The following KCNC4 variants were observed in gnomAD, a reference collection of about 807,000 sequenced individuals.
The protein encoded by KCNC4 is voltage-gated potassium channel KCNC4.
KCNC4 carries 23 observed loss-of-function variants against 42.8 expected under a neutral mutation model. The ratio of observed to expected loss-of-function variants is 0.54; its 90% CI spans 0.39 to 0.76. The LOEUF is 0.76. Ranked by LOEUF, KCNC4 falls within the 30% of genes least tolerant of loss-of-function variation. The pLI, the probability that KCNC4 is intolerant of heterozygous loss-of-function variation, is 0.00. For missense variants in KCNC4, 751 were observed against 898.2 expected, an observed-to-expected ratio of 0.84 and a Z score of 2.10; for synonymous variants, 422 against 393.5, an observed-to-expected ratio of 1.07 and a Z score of -0.86.
chr1:110,264,758 C>A (rs1348228794), intron 1 of KCNC4, among the ~76,000 whole-genome samples: 1 of 152,148 alleles, frequency 6.6e-6, no homozygotes, highest in Non-Finnish European at 1.5e-5. Flanking sequence ...GGGATCCCTA[C>A]TCGTCTCTGG....
In KCNC4 at chr1:110,222,915, A is replaced by G. The variant is rs1292330683; in HGVS notation, c.679-49A>G. ...GAAGTCCACGTCCCCAGCTGGGCCC[A>G]TCCATCCCTGTCTGACAGCTGCCCC... On this transcript the variant is annotated intron_variant, in intron 1 of 3. Transcript: ENST00000438661. The G allele has an allele frequency of 2.1e-6, 3 of 1,452,740 alleles. No individual in the cohort carries two copies. The African/African-American group carries it at 4.2e-5, about 20-fold the overall frequency. The allele number at this position is 1,452,740 out of a possible 1,614,324, so 90.0% of individuals were successfully genotyped here.
intron 1 of KCNC4, among the ~76,000 whole-genome samples, chr1:110,266,293 C>G (rs1345377890): frequency 6.6e-6 from 1 of 152,172 alleles, no homozygotes; most frequent in Non-Finnish European, 1.5e-5. Context: ...TTCATAGCCG[C>G]AACACCGAAA....
downstream of KCNC4, chr1:110,235,274 G>A (rs563296608): frequency 6.6e-6 from 1 of 152,350 alleles, no homozygotes; most frequent in Non-Finnish European, 1.5e-5. Context: ...CAGGCAGCCA[G>A]TGTCAATTAA....
Position 110,257,720 on chromosome 1 carries a change from CAAAAA to C in KCNC4, n.31-24796_31-24792del, listed in dbSNP as rs56333861. On this transcript the variant is annotated intron_variant and non_coding_transcript_variant, in intron 1 of 2. Transcript: ENST00000412512. Reference sequence around the variant, plus strand: ...TTGGCAACAGAGCGAGACTCCGTCTCAAAAAAAAAAAAAAAAAAAAAAGTCCAGAG... The same window carrying C: ...TTGGCAACAGAGCGAGACTCCGTCTCAAAAAAAAAAAAAAAAAGTCCAGAG... Among the ~76,000 whole-genome samples the C allele has an allele frequency of 2.7e-3, 243 of 90,970 alleles. 1 individual carries two copies. The highest frequency in any genetic ancestry group is 9.6e-3 in the African/African-American group (194 of 20,210). 59.7% of individuals were successfully genotyped at this position (90,970 alleles called of 152,430 possible).
chr1:110,266,502 G>T (rs1659542592), intron 1 of KCNC4, among the ~76,000 whole-genome samples: 2 of 152,170 alleles, frequency 1.3e-5, no homozygotes, highest in African/African-American at 4.8e-5. Flanking sequence ...AGCCAGGCTT[G>T]CTCTAAGCAC....
rs186028377 is a variant in KCNC4 at position 110,224,057 on chromosome 1, T to A, written c.1615+157T>A. 2.1e-4 allele frequency: 130 copies of A among 633,932 alleles called. No individual in the cohort carries two copies. In the East Asian group the frequency reaches 3.0e-3, roughly 15 times the overall value. 39.3% of individuals were successfully genotyped at this position (633,932 alleles called of 1,614,324 possible). A position where few individuals can be genotyped will look rare whatever the true frequency, so the allele number is the denominator to read the frequency against. On this transcript the variant is annotated intron_variant, in intron 2 of 3. Transcript: ENST00000438661. ...TGAGGGCAAAGTGTTGAGGCCGAATTTCTCTGTCCTCTGGCTGGGTCTCCG... is the reference window on the plus strand; with the variant it reads ...TGAGGGCAAAGTGTTGAGGCCGAATATCTCTGTCCTCTGGCTGGGTCTCCG...
chr1:110,253,340 A>C (rs1659276040), downstream of KCNC4, among the ~76,000 whole-genome samples: 2 of 152,228 alleles, frequency 1.3e-5, 1 homozygote, highest in Admixed American at 1.3e-4. Context: ...CAATCATGAG[A>C]GATGTCTCAT....
chr1:110,231,837 A>G (rs1448472574), intron 3 of KCNC4, among the ~76,000 whole-genome samples: 1 of 150,750 alleles, frequency 6.6e-6, no homozygotes, highest in Non-Finnish European at 1.5e-5. Context: ...TCTTAAGAAG[A>G]TGGAAACAGC....
chr1:110,275,045 A>G (rs1328633121), intron 1 of KCNC4, among the ~76,000 whole-genome samples: 1 of 152,244 alleles, frequency 6.6e-6, no homozygotes, highest in East Asian at 1.9e-4. Context: ...GCGCAGCAAA[A>G]GAAATAATCA....
intron 1 of KCNC4, among the ~76,000 whole-genome samples, chr1:110,218,310 C>G (rs1035061100): frequency 5.9e-5 from 9 of 152,274 alleles, no homozygotes; most frequent in African/African-American, 2.2e-4. Flanking sequence ...TCAAACATAG[C>G]AAGCAGATTG....
chr1:110,226,181 A>G lies in KCNC4; in HGVS notation c.1819+3A>G, dbSNP rs1658383432. 1.9e-6 allele frequency: 3 copies of G among 1,613,834 alleles called. No individual in the cohort carries two copies. The highest frequency in any genetic ancestry group is 2.5e-6 in the Non-Finnish European group (3 of 1,179,802). ...CGCCGATGGTAGTGTCCGGAAAGGT[A>G]TGGCTTCCCAAGCTGGACAGGTGGG... On this transcript the variant is annotated splice_donor_region_variant and intron_variant, in intron 3 of 3. Transcript: ENST00000438661.
At chr1:110,274,955 G>A (rs938443999) in intron 1 of KCNC4, among the ~76,000 whole-genome samples, 12 of 152,128 alleles carry the variant, frequency 7.9e-5, no homozygotes, top group South Asian at 4.1e-4. Context: ...TGGTCTAGGC[G>A]AAGAATTCAT....
chr1:110,230,283 T>G (rs1658626462), intron 3 of KCNC4, among the ~76,000 whole-genome samples: 1 of 152,134 alleles, frequency 6.6e-6, no homozygotes, highest in South Asian at 2.1e-4. Context: ...GGGGCCTCCA[T>G]GCAACTGCCC....
chr1:110,276,252 A>G (rs1314843156), intron 1 of KCNC4, among the ~76,000 whole-genome samples: 9 of 149,628 alleles, frequency 6.0e-5, no homozygotes, highest in Non-Finnish European at 8.9e-5. Context: ...ACCACTATAT[A>G]ATATATCCAT....
At chr1:110,266,779 T>C (rs1270088763) in intron 1 of KCNC4, among the ~76,000 whole-genome samples, 1 of 152,180 alleles carries the variant, frequency 6.6e-6, no homozygotes, top group Non-Finnish European at 1.5e-5. Flanking sequence ...TCTTGGCATC[T>C]GTACCCCAAG....
chr1:110,226,669 GC>G (rs1319192663), intron 3 of KCNC4, among the ~76,000 whole-genome samples: 1 of 152,214 alleles, frequency 6.6e-6, no homozygotes, highest in Non-Finnish European at 1.5e-5. Flanking sequence ...GGGTCCTGGA[GC>G]ACAGGATGGG....
At chr1:110,220,494 C>T (rs1406809229) in intron 1 of KCNC4, 1 of 120,624 alleles carries the variant, frequency 8.3e-6, no homozygotes, top group Non-Finnish European at 1.7e-5. Flanking sequence ...TCCCTCTGCT[C>T]ACCCTCTTGG....
exon 4 of KCNC4, chr1:110,246,753 T>C (rs545571576): frequency 1.2e-3 from 142 of 121,544 alleles, no homozygotes; most frequent in African/African-American, 4.4e-3. Context: ...AGTCTTTTCT[T>C]TCTTTTTCTT....
chr1:110,236,016 T>C (rs769126442), downstream of KCNC4: 26 of 152,154 alleles, frequency 1.7e-4, no homozygotes, highest in Non-Finnish European at 1.6e-4. Context: ...GCCTAGCACA[T>C]AACCATTGCT....
Sources: gnomAD v4.1 joint callset for allele counts (sites outside exome capture counted in the v4.1 genomes callset) on GRCh38, gnomAD v4.1.1 for gene constraint, MANE v1.5 for transcripts, NCBI Gene and HGNC (gene_info 2026-07-23, HGNC 2026-07-21) for gene names.